SH3RF1: variants seen among roughly 807,000 people sequenced by gnomAD.
SH3RF1 encodes the protein E3 ubiquitin-protein ligase SH3RF1.
In SH3RF1, 32 loss-of-function variants were observed where a neutral mutation model predicts 74.0. The ratio of observed to expected loss-of-function variants is 0.43; its 90% CI spans 0.33 to 0.58. The LOEUF (loss-of-function observed/expected upper bound fraction) is 0.58. Ranked by LOEUF, SH3RF1 falls within the 20% of genes least tolerant of loss-of-function variation. The pLI is 0.05. For synonymous variants in SH3RF1, 396 were observed against 439.6 expected (o/e 0.90, Z 1.24); for missense variants, 954 against 1,130.9 (o/e 0.84, Z 2.24).
At chr4:169,128,515 C>CT (rs1280643276) in intron 6 of SH3RF1, among the ~76,000 whole-genome samples, 1 of 152,194 alleles carries the variant, frequency 6.6e-6, no homozygotes, top group Non-Finnish European at 1.5e-5. Flanking sequence ...ATGCTTAACT[C>CT]TAAAATGTTT....
chr4:169,148,499 A>G (rs144504544), intron 4 of SH3RF1, among the ~76,000 whole-genome samples: 1 of 152,366 alleles, frequency 6.6e-6, no homozygotes, highest in Admixed American at 6.5e-5. Context: ...AAAATTATAC[A>G]CGATGAGACT....
intron 2 of SH3RF1, among the ~76,000 whole-genome samples, chr4:169,214,119 G>C (rs753788925): frequency 2.6e-5 from 4 of 152,156 alleles, no homozygotes; most frequent in Non-Finnish European, 4.4e-5. Flanking sequence ...GTGGGGCCTC[G>C]AGGGAAGTGT....
At chr4:169,133,073 G>A (rs539084397) in intron 5 of SH3RF1, among the ~76,000 whole-genome samples, 2 of 152,228 alleles carry the variant, frequency 1.3e-5, no homozygotes, top group African/African-American at 2.4e-5. Flanking sequence ...CAATTTGGAC[G>A]TGACAGTGAC....
chr4:169,231,363 C>T (rs547675037), intron 2 of SH3RF1, among the ~76,000 whole-genome samples: 3 of 152,158 alleles, frequency 2.0e-5, no homozygotes, highest in East Asian at 1.9e-4. Flanking sequence ...GTCAGGAGTT[C>T]GAGACCAGCC....
At chr4:169,197,800 A>C (rs1050425991) in intron 2 of SH3RF1, among the ~76,000 whole-genome samples, 2 of 152,088 alleles carry the variant, frequency 1.3e-5, no homozygotes, top group Non-Finnish European at 2.9e-5. Context: ...TAAATGATGA[A>C]ATTTCTTCAG....
At chr4:169,224,016 G>C (rs1188685946) in intron 2 of SH3RF1, among the ~76,000 whole-genome samples, 1 of 152,230 alleles carries the variant, frequency 6.6e-6, no homozygotes, top group East Asian at 1.9e-4. Context: ...TCTCCTTAAA[G>C]GCACCATTGA....
In SH3RF1 at chr4:169,136,541, G is replaced by A. The variant is rs952600950; in HGVS notation, c.845C>T (p.Ala282Val). Residue 282 changes from alanine (A) to valine (V), a missense_variant, in exon 5 of 12, where the codon GCA (alanine) becomes GTA (valine). This residue lies in a region of SH3RF1 where 854 missense variants were observed against 962.5 expected (regional missense o/e 0.89). Coordinates refer to ENST00000284637, the MANE Select transcript of SH3RF1 (RefSeq NM_020870.4). ...PGVDAGECSS[A>V]AAQSSTAPKH... ...TGGGGCAGTGCTGCTCTGGGCTGCT[G>A]CCGAGGAACATTCTCCAGCATCAAC... 1.9e-6 allele frequency: 3 copies of A among 1,608,200 alleles called. No individual in the cohort carries two copies. The highest frequency in any genetic ancestry group is 1.7e-5 in the Admixed American group (1 of 58,394).
At chr4:169,184,873 T>C (rs893385040) in intron 2 of SH3RF1, among the ~76,000 whole-genome samples, 1 of 152,196 alleles carries the variant, frequency 6.6e-6, no homozygotes, top group Admixed American at 6.5e-5. Flanking sequence ...TGGGCAAGAT[T>C]ACACTTGCAA....
rs1217913982 is a variant in SH3RF1 at position 169,191,137 on chromosome 4, A to C, written c.394-34458T>G. ...CATAATACTAAATGGGGAAAAGTTG[A>C]AATAATTCCCTCTGAGAACTGGAAC... On this transcript the variant is annotated intron_variant, in intron 2 of 11. Coordinates refer to ENST00000284637, the MANE Select transcript of SH3RF1 (RefSeq NM_020870.4). Among the ~76,000 whole-genome samples, 10 of 152,130 alleles carry C rather than the reference A, an allele frequency of 6.6e-5. No homozygotes were observed. In the East Asian group the frequency reaches 1.9e-3, roughly 29 times the overall value.
chr4:169,248,732 G>C (rs17054860), intron 2 of SH3RF1, among the ~76,000 whole-genome samples: 6,913 of 152,248 alleles, frequency 0.045, 325 homozygotes, highest in Admixed American at 0.15. Context: ...CTGGAACTTG[G>C]AGCTGTTCAC....
intron 10 of SH3RF1, among the ~76,000 whole-genome samples, chr4:169,111,867 C>G (rs923294015): frequency 2.0e-5 from 3 of 152,084 alleles, no homozygotes; most frequent in Non-Finnish European, 2.9e-5. Flanking sequence ...AGTGCAGACA[C>G]CAAAGTTAGC....
intron 6 of SH3RF1, among the ~76,000 whole-genome samples, chr4:169,126,304 C>T (rs746599055): frequency 2.6e-5 from 4 of 152,182 alleles, no homozygotes; most frequent in Admixed American, 2.0e-4. Context: ...TCTCAGTTCC[C>T]GAGATGCTAG....
intron 10 of SH3RF1, among the ~76,000 whole-genome samples, chr4:169,115,134 T>C (rs1400498917): frequency 6.6e-6 from 1 of 152,160 alleles, no homozygotes; most frequent in African/African-American, 2.4e-5. Context: ...ATATTTTCTT[T>C]AAAATTCAGC....
At chr4:169,252,509 C>T (rs1383131693) in intron 2 of SH3RF1, among the ~76,000 whole-genome samples, 3 of 152,224 alleles carry the variant, frequency 2.0e-5, no homozygotes, top group African/African-American at 7.2e-5. Flanking sequence ...TAATTACTCC[C>T]TACCATCTGG....
At chr4:169,230,195 T>C (rs1177836404) in intron 2 of SH3RF1, among the ~76,000 whole-genome samples, 1 of 152,090 alleles carries the variant, frequency 6.6e-6, no homozygotes, top group Admixed American at 6.6e-5. Flanking sequence ...TGAGACTCTG[T>C]CTCAAAAATA....
intron 2 of SH3RF1, among the ~76,000 whole-genome samples, chr4:169,231,919 A>G (rs1008946463): frequency 2.6e-5 from 4 of 152,214 alleles, no homozygotes; most frequent in Non-Finnish European, 4.4e-5. Flanking sequence ...GAAGAAGGGG[A>G]AAAGTATTTC....
At chr4:169,230,215 T>A (rs1730713589) in intron 2 of SH3RF1, among the ~76,000 whole-genome samples, 1 of 151,988 alleles carries the variant, frequency 6.6e-6, no homozygotes, top group South Asian at 2.1e-4. Flanking sequence ...AAAAATAAAA[T>A]AAAAAACAAT....
intron 2 of SH3RF1, among the ~76,000 whole-genome samples, chr4:169,207,650 T>G (rs536584069): frequency 6.6e-6 from 1 of 152,294 alleles, no homozygotes; most frequent in Admixed American, 6.5e-5. Flanking sequence ...CTTGAGGCAG[T>G]CCAGGTTCTG....
intron 4 of SH3RF1, among the ~76,000 whole-genome samples, chr4:169,138,544 A>T (rs1019626800): frequency 6.6e-6 from 1 of 152,138 alleles, no homozygotes; most frequent in Admixed American, 6.5e-5. Context: ...TCAACTCAGC[A>T]CTCCTGTCCC....
Sources: gnomAD v4.1 joint callset for allele counts (sites outside exome capture counted in the v4.1 genomes callset) on GRCh38, gnomAD v4.1.1 for gene constraint, gnomAD v4.1.1 regional missense constraint, MANE v1.5 for transcripts, NCBI Gene and HGNC (gene_info 2026-07-23, HGNC 2026-07-21) for gene names.